Variants in FRMD8 observed in about 807,000 individuals in gnomAD.
FRMD8 encodes the protein FERM domain containing 8.
Under a neutral mutation model 54.2 loss-of-function variants are expected in FRMD8, and 37 were observed. That is an observed-to-expected ratio of 0.68 (90% CI 0.53 to 0.90). The LOEUF is 0.90. Among genes scored for constraint, FRMD8 ranks in the 40% least tolerant of loss-of-function variants. The pLI is 0.00. For synonymous variants in FRMD8, 246 were observed against 286.9 expected (o/e 0.86, Z 1.44); for missense variants, 585 against 653.7 (o/e 0.89, Z 1.15).
At chr11:65,382,889 C>T (rs185453848), upstream of FRMD8, 1 of 152,472 alleles carries the variant, frequency 6.6e-6, no homozygotes, top group Admixed American at 6.5e-5. The surrounding 1 kb of genome is among the most constrained non-coding windows in gnomAD (Gnocchi z 4.4). Context: ...GTCTGCCCCG[C>T]CTCCCCAGCC....
At chr11:65,401,490 G>T (rs764241447) in intron 9 of FRMD8, among the ~76,000 whole-genome samples, 1 of 146,764 alleles carries the variant, frequency 6.8e-6, no homozygotes, top group African/African-American at 2.5e-5. Flanking sequence ...CTTTCATCTC[G>T]GGTCTCTCTG....
chr11:65,388,260 C>G (rs1855773051), intron 2 of FRMD8, among the ~76,000 whole-genome samples: 1 of 152,088 alleles, frequency 6.6e-6, no homozygotes, highest in South Asian at 2.1e-4. Flanking sequence ...GCTGTGGAAG[C>G]TCTCCAGGTG....
the FRMD8 span, chr11:65,377,220 A>G: frequency 2.8e-6 from 4 of 1,439,788 alleles, no homozygotes; most frequent in Admixed American, 2.8e-5. Context: ...TCTCACGTGC[A>G]TGTGTGGCTG....
the FRMD8 span, chr11:65,379,746 G>A: frequency 7.2e-7 from 1 of 1,385,702 alleles, no homozygotes; most frequent in African/African-American, 1.4e-5. Context: ...GGCCCCCCAA[G>A]GATCCCAGAC....
At chr11:65,390,863 G>A (rs1855831250) in intron 3 of FRMD8, among the ~76,000 whole-genome samples, 1 of 152,244 alleles carries the variant, frequency 6.6e-6, no homozygotes, top group South Asian at 2.1e-4. Context: ...CTCTCCCACG[G>A]CCGGAGGCCG....
In FRMD8 at chr11:65,403,918, C is replaced by T. The variant is rs147953985; in HGVS notation, c.1072-946C>T. On this transcript the variant is annotated intron_variant, in intron 9 of 10. Coordinates refer to ENST00000317568, the MANE Select transcript of FRMD8 (RefSeq NM_031904.5). ...TCAGGACTCTGTCCCCACCGGCTGCCGTCCCCTCGCCAGCCCACTGCCCTT... is the reference window on the plus strand; with the variant it reads ...TCAGGACTCTGTCCCCACCGGCTGCTGTCCCCTCGCCAGCCCACTGCCCTT... Among the ~76,000 whole-genome samples, 29 of 152,282 alleles carry T rather than the reference C, an allele frequency of 1.9e-4. 1 individual carries two copies. In the East Asian group the frequency reaches 5.0e-3, roughly 26 times the overall value.
At chr11:65,389,732 G>T (rs1855806074) in intron 3 of FRMD8, among the ~76,000 whole-genome samples, 1 of 152,158 alleles carries the variant, frequency 6.6e-6, no homozygotes, top group African/African-American at 2.4e-5. Context: ...CCTGCTGTCT[G>T]TCTTTCTGCT....
intron 4 of FRMD8, 69 bp from the exon 5 acceptor site, chr11:65,393,972 G>A (rs1267878790): frequency 3.9e-6 from 6 of 1,548,642 alleles, no homozygotes; most frequent in Non-Finnish European, 5.3e-6. Context: ...CCAGGGCCTG[G>A]GCCAATCGGG....
the FRMD8 span, chr11:65,377,166 G>A: frequency 1.3e-6 from 2 of 1,496,256 alleles, no homozygotes; most frequent in Non-Finnish European, 1.8e-6. Flanking sequence ...GCAGGCAGGG[G>A]GCCACATCTT....
intron 9 of FRMD8, among the ~76,000 whole-genome samples, chr11:65,402,422 T>C (rs1856103264): frequency 6.6e-6 from 1 of 152,104 alleles, no homozygotes; most frequent in Non-Finnish European, 1.5e-5. Flanking sequence ...GCTGTACATG[T>C]GTGGGTCTGT....
upstream of FRMD8, chr11:65,382,002 T>A: frequency 6.7e-7 from 1 of 1,489,410 alleles, no homozygotes; most frequent in African/African-American, 1.4e-5. This position sits in a 1 kb window ranked among gnomAD's most constrained non-coding sequence, Gnocchi z 4.4. Context: ...CAGAGTTGAA[T>A]TCCCCCCTCT....
chr11:65,390,221 T>A (rs1738063286), intron 3 of FRMD8, among the ~76,000 whole-genome samples: 1 of 151,986 alleles, frequency 6.6e-6, no homozygotes, highest in East Asian at 1.9e-4. Flanking sequence ...TGGAGGGACT[T>A]AAGGGCGGTG....
At chr11:65,374,173 T>C in the FRMD8 span, among the ~76,000 whole-genome samples, 1 of 152,290 alleles carries the variant, frequency 6.6e-6, no homozygotes, top group South Asian at 2.1e-4. Flanking sequence ...TAGTTGCAGA[T>C]GGCCTCCAGC....
the FRMD8 span, among the ~76,000 whole-genome samples, chr11:65,368,852 C>A: frequency 6.6e-6 from 1 of 152,100 alleles, no homozygotes; most frequent in Admixed American, 6.6e-5. Flanking sequence ...CGTGAGCCAC[C>A]ACGCCCGGTC....
chr11:65,396,793 C>T lies in FRMD8; in HGVS notation c.582-6C>T, dbSNP rs1017885942. The T allele has an allele frequency of 6.6e-7, 1 of 1,515,192 alleles. No homozygotes were observed. The highest frequency in any genetic ancestry group is 8.8e-7 in the Non-Finnish European group (1 of 1,131,240). 93.9% of individuals were successfully genotyped at this position (1,515,192 alleles called of 1,614,324 possible). On this transcript the variant is annotated splice_region_variant and splice_polypyrimidine_tract_variant and intron_variant, in intron 6 of 10. Coordinates refer to ENST00000317568, the MANE Select transcript of FRMD8 (RefSeq NM_031904.5). ...GCCGCTAGCACCTGTCTTCCTTCCT[C>T]CACAGGGAGAAGCTGGACTCCTTCC...
chr11:65,387,530 T>TTTTCTTTC (rs1855757349), intron 2 of FRMD8, among the ~76,000 whole-genome samples: 1 of 151,938 alleles, frequency 6.6e-6, no homozygotes. Flanking sequence ...TCATTTCTTT[T>TTTTCTTTC]TTTCTTTCTT....
At chr11:65,373,608 A>G in the FRMD8 span, among the ~76,000 whole-genome samples, 3 of 152,096 alleles carry the variant, frequency 2.0e-5, no homozygotes, top group Admixed American at 6.6e-5. Context: ...ATTATTTGAG[A>G]CAGAGTCTTG....
At chr11:65,386,914 C>G in intron 1 of FRMD8, 123 bp from the exon 2 acceptor site, 1 of 832,390 alleles carries the variant, frequency 1.2e-6, no homozygotes, top group Non-Finnish European at 1.9e-6. Context: ...CCCCTCCAGG[C>G]AGCGCCGCTC....
At position 65,404,609 on chromosome 11, in the gene FRMD8, G is replaced by A. The variant is rs576001665; in HGVS notation, c.1072-255G>A. The stretch of plus-strand genomic sequence containing the variant: ...TCTGCCCATGGAGTCAGCCTTCCTG[G>A]GCTGTGCCTTCTGACCAGAATGTTC... On this transcript the variant is annotated intron_variant, in intron 9 of 10. Transcript: ENST00000317568. The surrounding 1 kb of genome is among the most constrained non-coding windows in gnomAD (Gnocchi z 4.7). Among the ~76,000 whole-genome samples, 1 of 151,830 alleles carries A rather than the reference G, an allele frequency of 6.6e-6. No individual in the cohort carries two copies. The highest frequency in any genetic ancestry group is 2.4e-5 in the African/African-American group (1 of 41,376).
Sources: allele counts gnomAD v4.1 joint callset (sites outside exome capture counted in the v4.1 genomes callset), GRCh38; gene constraint gnomAD v4.1.1; non-coding constraint Gnocchi (gnomAD v3.1); transcripts MANE v1.5; gene names NCBI Gene and HGNC (gene_info 2026-07-23, HGNC 2026-07-21).